The following G3BP1 variants were observed in gnomAD, a reference collection of about 807,000 sequenced individuals.
The protein encoded by G3BP1 is ras GTPase-activating protein-binding protein 1.
A neutral mutation model predicts 58.6 loss-of-function variants in G3BP1; 35 were observed. The observed-to-expected ratio is 0.60, with a 90% CI of 0.46 to 0.79. The LOEUF is 0.79. Among genes scored for constraint, G3BP1 ranks in the 30% least tolerant of loss-of-function variants. G3BP1 has a pLI of 0.00. For missense variants in G3BP1, 523 were observed against 580.8 expected, an observed-to-expected ratio of 0.90 and a Z score of 1.02; for synonymous variants, 191 against 195.4, an observed-to-expected ratio of 0.98 and a Z score of 0.19.
intron 1 of G3BP1, among the ~76,000 whole-genome samples, chr5:151,780,835 C>T (rs1489228891): frequency 6.6e-6 from 1 of 152,096 alleles, no homozygotes; most frequent in Non-Finnish European, 1.5e-5. Flanking sequence ...GTTCTTTAGA[C>T]CCTTAACATT....
rs78171236 is a variant in G3BP1 at position 151,775,787 on chromosome 5, T to G, written c.-50+3751T>G. Among the ~76,000 whole-genome samples, 1,318 of 152,324 alleles carry G rather than the reference T, an allele frequency of 8.7e-3. 16 individuals carry two copies. The highest frequency in any genetic ancestry group is 0.03 in the African/African-American group (1,265 of 41,574). On this transcript the variant is annotated intron_variant, in intron 1 of 11. Coordinates refer to ENST00000356245, the MANE Select transcript of G3BP1 (RefSeq NM_005754.3). The stretch of plus-strand genomic sequence containing the variant: ...ATTGTGAACCTGAGTAGGTTTTAAC[T>G]TTGGAGTGGGGAAGGGATACACTAA...
rs915774835 is a variant in G3BP1 at position 151,790,874 on chromosome 5, T to A, written c.178-15T>A. 3 of 1,414,084 alleles carry A rather than the reference T, an allele frequency of 2.1e-6. No individual in the cohort carries two copies. The African/African-American group carries it at 4.3e-5, about 20-fold the overall frequency. The allele number at this position is 1,414,084 out of a possible 1,614,324, so 87.6% of individuals were successfully genotyped here. On this transcript the variant is annotated splice_polypyrimidine_tract_variant and intron_variant, in intron 3 of 11. Coordinates refer to ENST00000356245, the MANE Select transcript of G3BP1 (RefSeq NM_005754.3). ...ATTCTCAGTTGATTATTATTATTAT[T>A]ATTATTTTTTTAAGGAAATCCACAG... is the stretch of plus-strand genomic sequence containing the variant.
At position 151,791,014 on chromosome 5, in the gene G3BP1, C is replaced by T; in HGVS notation, c.303C>T (p.Asn101=). The T allele has an allele frequency of 1.2e-6, 2 of 1,613,850 alleles. No homozygotes were observed. The highest frequency in any genetic ancestry group is 1.1e-5 in the South Asian group (1 of 91,062). The change falls in exon 4 of 12, where the codon AAC becomes AAT. Residue 101 remains asparagine, a synonymous_variant. Coordinates refer to ENST00000356245, the MANE Select transcript of G3BP1 (RefSeq NM_005754.3). The part of the protein sequence containing the change: ...VVQVMGLLSN[N]NQALRRFMQT... ...AGGTGATGGGGCTTCTCTCTAACAA[C>T]AACCAGGCTTTGAGGAGATTCATGC...
chr5:151,795,576 G>A lies in G3BP1; in HGVS notation c.539+1G>A, dbSNP rs1342895206. 1 of 1,548,448 alleles carries A rather than the reference G, an allele frequency of 6.5e-7. No homozygotes were observed. Among genetic ancestry groups the A allele is most frequent in the Non-Finnish European group, 8.9e-7 (1 of 1,121,576 alleles). On this transcript the variant is annotated splice_donor_variant, in intron 6 of 11. Transcript: ENST00000356245. LOFTEE classifies it high-confidence loss of function. ...CTTTCTATGATCAGGCAGTTGTCAG[G>A]TAAGAAGATTTTGTTCACATGTCCG...
At chr5:151,780,788 A>G (rs1581572077) in intron 1 of G3BP1, among the ~76,000 whole-genome samples, 1 of 152,192 alleles carries the variant, frequency 6.6e-6, no homozygotes, top group South Asian at 2.1e-4. Context: ...CTGGGATTAC[A>G]GGTGTGAGCC....
intron 4 of G3BP1, 133 bp from the exon 5 acceptor site, chr5:151,794,026 C>T: frequency 1.7e-6 from 1 of 605,532 alleles, no homozygotes. Flanking sequence ...CCCACAACAA[C>T]AAAAACTGAA....
intron 1 of G3BP1, among the ~76,000 whole-genome samples, chr5:151,778,481 G>C (rs1762411213): frequency 6.6e-6 from 1 of 151,948 alleles, no homozygotes; most frequent in Admixed American, 6.6e-5. Context: ...CGCTCTTGTT[G>C]CCCGGGCTGG....
intron 1 of G3BP1, among the ~76,000 whole-genome samples, chr5:151,782,065 G>T (rs1181537518): frequency 2.6e-5 from 4 of 151,996 alleles, no homozygotes; most frequent in Admixed American, 2.6e-4. Flanking sequence ...ATCCATCCAG[G>T]TGACACAAGA....
intron 1 of G3BP1, among the ~76,000 whole-genome samples, chr5:151,780,704 G>T (rs763002748): frequency 4.5e-4 from 68 of 152,090 alleles, no homozygotes; most frequent in Non-Finnish European, 9.3e-4. Context: ...TAGTAGAGAC[G>T]GGGTTTTACC....
chr5:151,791,817 C>G, intron 4 of G3BP1: 1 of 292,520 alleles, frequency 3.4e-6, no homozygotes, highest in Non-Finnish European at 6.7e-6. Flanking sequence ...CTACCGTACT[C>G]GGCTGATTTT....
At position 151,797,339 on chromosome 5, in the gene G3BP1, G is replaced by C. The variant is rs1012028655; in HGVS notation, c.652G>C (p.Val218Leu). ...AATCCAAGAGGAAAAGCCTGAGCCAGTATTAGAAGAAACTGCCCCTGAGGA... is the reference window on the plus strand; with the variant it reads ...AATCCAAGAGGAAAAGCCTGAGCCACTATTAGAAGAAACTGCCCCTGAGGA... Reference protein sequence around the residue: ...SEIQEEKPEPVLEETAPEDAQ... With the variant: ...SEIQEEKPEPLLEETAPEDAQ... Residue 218 changes from valine (V) to leucine (L), a missense_variant, in exon 7 of 12, where the codon GTA becomes CTA. Physicochemically the swap from Val to Leu is conservative, Grantham distance 32 (BLOSUM62 1). Around this residue, in one of 2 missense-constraint regions of G3BP1, gnomAD observed 398 missense variants for 399.1 expected, o/e 1.00. Transcript: ENST00000356245. 6.2e-7 allele frequency: 1 copy of C among 1,613,990 alleles called. No homozygotes were observed. Among genetic ancestry groups the C allele is most frequent in the Non-Finnish European group, 8.5e-7 (1 of 1,179,982 alleles).
rs571077506 is a variant in G3BP1 at position 151,811,645 on chromosome 5, C to T, written c.*7554C>T. On this transcript the variant is annotated 3_prime_UTR_variant, in exon 12 of 12. Transcript: ENST00000356245. Reference sequence around the variant, plus strand: ...GAAATAGATTTTTTTTTTTTACAAGCCAAAAAATAACTGCCATAACTTTTG... The same window carrying T: ...GAAATAGATTTTTTTTTTTTACAAGTCAAAAAATAACTGCCATAACTTTTG... 2.7e-4 allele frequency: 40 copies of T among 150,458 alleles called. No homozygotes were observed. Among genetic ancestry groups the T allele is most frequent in the African/African-American group, 9.7e-4 (40 of 41,042 alleles). The allele number at this position is 150,458 out of a possible 1,614,324, so 9.3% of individuals were successfully genotyped here. A position where few individuals can be genotyped will look rare whatever the true frequency, so the allele number is the denominator to read the frequency against.
chr5:151,786,772 C>A (rs1762561053), intron 2 of G3BP1, 57 bp downstream of exon 2: 3 of 985,764 alleles, frequency 3.0e-6, no homozygotes, highest in African/African-American at 1.6e-5. Context: ...TGGTACTTAT[C>A]TTTGAGATTC....
At chr5:151,774,996 A>G (rs893389564) in intron 1 of G3BP1, among the ~76,000 whole-genome samples, 1 of 152,222 alleles carries the variant, frequency 6.6e-6, no homozygotes, top group African/African-American at 2.4e-5. Context: ...GTTGCAAGCC[A>G]GGTGATAGGG....
intron 1 of G3BP1, among the ~76,000 whole-genome samples, chr5:151,775,724 T>C (rs1206499808): frequency 6.6e-6 from 1 of 152,256 alleles, no homozygotes; most frequent in Admixed American, 6.5e-5. Flanking sequence ...CTGTAACATA[T>C]CTTTTCACGT....
rs547813483 is a variant in G3BP1 at position 151,806,261 on chromosome 5, G to A, written c.*2170G>A. On this transcript the variant is annotated 3_prime_UTR_variant, in exon 12 of 12. Coordinates refer to ENST00000356245, the MANE Select transcript of G3BP1 (RefSeq NM_005754.3). ...TCAGATAAATAACAAACTAGGAAATGGAAATCTGTTTCAAGAATTGCAGTA... is the reference window on the plus strand; with the variant it reads ...TCAGATAAATAACAAACTAGGAAATAGAAATCTGTTTCAAGAATTGCAGTA... The A allele has an allele frequency of 4.6e-5, 7 of 152,234 alleles. No homozygotes were observed. Among genetic ancestry groups the A allele is most frequent in the African/African-American group, 1.7e-4 (7 of 41,536 alleles). 9.4% of individuals were successfully genotyped at this position (152,234 alleles called of 1,614,324 possible).
In G3BP1 at chr5:151,809,533, A is replaced by T. The variant is rs557403273; in HGVS notation, c.*5442A>T. ...TTTGAGTGAGAAGCATCAGACTTAA[A>T]TTTTTTTCTTCTATTTTGGTTATTA... On this transcript the variant is annotated 3_prime_UTR_variant, in exon 12 of 12. Coordinates refer to ENST00000356245, the MANE Select transcript of G3BP1 (RefSeq NM_005754.3). 3.3e-5 allele frequency: 5 copies of T among 152,220 alleles called. No homozygotes were observed. The South Asian group carries it at 1.0e-3, about 32-fold the overall frequency. 9.4% of individuals were successfully genotyped at this position (152,220 alleles called of 1,614,324 possible).
intron 1 of G3BP1, among the ~76,000 whole-genome samples, chr5:151,773,428 A>G (rs1013775380): frequency 3.3e-5 from 5 of 152,200 alleles, no homozygotes; most frequent in African/African-American, 1.2e-4. Context: ...TCTGTGGATG[A>G]AAGTTTGTGT....
At chr5:151,790,299 G>A (rs375269019) in intron 2 of G3BP1, 24 bp from the exon 3 acceptor site, 2 of 1,239,038 alleles carry the variant, frequency 1.6e-6, no homozygotes, top group African/African-American at 3.1e-5. Flanking sequence ...AAGATGACAA[G>A]TAAATCATCT....
Sources: allele counts gnomAD v4.1 joint callset (sites outside exome capture counted in the v4.1 genomes callset), GRCh38; gene constraint gnomAD v4.1.1; regional missense constraint gnomAD v4.1.1; transcripts MANE v1.5; gene names NCBI Gene and HGNC (gene_info 2026-07-23, HGNC 2026-07-21).